Variants in KCNIP4 observed in about 807,000 individuals in gnomAD.
KCNIP4 encodes potassium voltage-gated channel interacting protein 4.
Under a neutral mutation model 34.0 loss-of-function variants are expected in KCNIP4, and 12 were observed. The ratio of observed to expected loss-of-function variants is 0.35; its 90% CI spans 0.23 to 0.57. The LOEUF is 0.57. Among genes scored for constraint, KCNIP4 ranks in the 20% least tolerant of loss-of-function variants. The pLI, the probability that KCNIP4 is intolerant of heterozygous loss-of-function variation, is 0.83. For missense variants in KCNIP4, 238 were observed against 311.7 expected (o/e 0.76, Z 1.78); for synonymous variants, 124 against 102.2 (o/e 1.21, Z -1.29).
chr4:21,641,647 C>G (rs1746625250), intron 1 of KCNIP4, among the ~76,000 whole-genome samples: 1 of 152,028 alleles, frequency 6.6e-6, no homozygotes, highest in African/African-American at 2.4e-5. Context: ...TGAATGCTAA[C>G]CAAAGAGAGA....
At chr4:21,061,935 C>T (rs1230724821) in intron 1 of KCNIP4, among the ~76,000 whole-genome samples, 1 of 152,128 alleles carries the variant, frequency 6.6e-6, no homozygotes, top group African/African-American at 2.4e-5. Context: ...ACACAGCAGG[C>T]AGATGGCCAT....
At chr4:21,716,537 G>C (rs1051236407) in intron 1 of KCNIP4, among the ~76,000 whole-genome samples, 2 of 151,986 alleles carry the variant, frequency 1.3e-5, no homozygotes, top group Non-Finnish European at 2.9e-5. Context: ...CCACCGTGCT[G>C]GGCCGGTAGT....
At chr4:21,887,745 AG>A (rs35799706) in intron 1 of KCNIP4, among the ~76,000 whole-genome samples, 22,364 of 152,152 alleles carry the variant, frequency 0.15, 2,017 homozygotes, top group Non-Finnish European at 0.2. Context: ...ATTATAGATG[AG>A]GTTATATAAC....
intron 1 of KCNIP4, among the ~76,000 whole-genome samples, chr4:21,791,244 A>G (rs1427302101): frequency 6.6e-6 from 1 of 152,056 alleles, no homozygotes; most frequent in Non-Finnish European, 1.5e-5. Context: ...GGGGCAAGCG[A>G]GCTCTGAGTT....
intron 1 of KCNIP4, among the ~76,000 whole-genome samples, chr4:21,671,226 G>C (rs1176305125): frequency 6.6e-6 from 1 of 152,108 alleles, no homozygotes; most frequent in African/African-American, 2.4e-5. Context: ...AGCTTATTGA[G>C]TTTCCAAAAT....
At chr4:21,673,253 C>T (rs1056943515) in intron 1 of KCNIP4, among the ~76,000 whole-genome samples, 4 of 152,184 alleles carry the variant, frequency 2.6e-5, no homozygotes, top group Non-Finnish European at 5.9e-5. Flanking sequence ...GTCGAAATTA[C>T]CCGCCTACGG....
chr4:21,320,114 T>C (rs920234929), intron 1 of KCNIP4, among the ~76,000 whole-genome samples: 8 of 152,228 alleles, frequency 5.3e-5, no homozygotes, highest in African/African-American at 1.9e-4. Context: ...CTTATTGAAA[T>C]TGTAAATTTG....
At chr4:21,416,421 G>A (rs563355019) in intron 1 of KCNIP4, among the ~76,000 whole-genome samples, 1 of 152,264 alleles carries the variant, frequency 6.6e-6, no homozygotes, top group Non-Finnish European at 1.5e-5. Context: ...CCTGCTGCCT[G>A]TGATTGATAG....
intron 1 of KCNIP4, among the ~76,000 whole-genome samples, chr4:21,433,688 A>G (rs1247391289): frequency 1.3e-5 from 2 of 152,044 alleles, no homozygotes; most frequent in African/African-American, 4.8e-5. Flanking sequence ...TCTCTTCTCA[A>G]TCATGCCCCA....
intron 1 of KCNIP4, among the ~76,000 whole-genome samples, chr4:21,559,765 T>C (rs1168311040): frequency 6.6e-6 from 1 of 152,134 alleles, no homozygotes; most frequent in African/African-American, 2.4e-5. Flanking sequence ...AATGTATTAT[T>C]AGTCGATGGT....
intron 1 of KCNIP4, among the ~76,000 whole-genome samples, chr4:21,126,089 T>C (rs1332698939): frequency 2.2e-4 from 34 of 152,154 alleles, no homozygotes; most frequent in Non-Finnish European, 7.4e-5. Context: ...TTAGGCAGAC[T>C]GAGCCTGTAA....
intron 1 of KCNIP4, among the ~76,000 whole-genome samples, chr4:21,148,978 G>C (rs1752580691): frequency 1.3e-5 from 2 of 152,132 alleles, no homozygotes; most frequent in African/African-American, 4.8e-5. Context: ...TGCTAGCTTA[G>C]AAATATCTTT....
At chr4:20,824,057 C>T (rs1308277438) in intron 3 of KCNIP4, among the ~76,000 whole-genome samples, 2 of 152,138 alleles carry the variant, frequency 1.3e-5, no homozygotes, top group Non-Finnish European at 2.9e-5. Context: ...CTATAAAATT[C>T]ATAATAATGG....
chr4:21,642,834 A>G (rs776352055), intron 1 of KCNIP4, among the ~76,000 whole-genome samples: 1 of 152,140 alleles, frequency 6.6e-6, no homozygotes, highest in African/African-American at 2.4e-5. Context: ...GTACTCTACA[A>G]TGGAAATAAG....
At chr4:21,521,644 C>T (rs73252234) in intron 1 of KCNIP4, among the ~76,000 whole-genome samples, 1 of 152,248 alleles carries the variant, frequency 6.6e-6, no homozygotes, top group Non-Finnish European at 1.5e-5. Context: ...TTGCAAGTCT[C>T]AGAGTGGCTG....
chr4:21,532,013 C>G (rs1313539114), intron 1 of KCNIP4, among the ~76,000 whole-genome samples: 1 of 152,034 alleles, frequency 6.6e-6, no homozygotes, highest in Non-Finnish European at 1.5e-5. Flanking sequence ...CTATTTTCAG[C>G]AACTGTCAGA....
chr4:21,728,723 A>G (rs535018667), intron 1 of KCNIP4, among the ~76,000 whole-genome samples: 44 of 152,090 alleles, frequency 2.9e-4, no homozygotes, highest in Admixed American at 2.6e-3. Flanking sequence ...CTCTTTTAAA[A>G]GACTCAACAT....
intron 1 of KCNIP4, among the ~76,000 whole-genome samples, chr4:20,905,522 T>TTTG (rs1727657548): frequency 9.0e-6 from 1 of 111,188 alleles, no homozygotes; most frequent in East Asian, 3.1e-4. Context: ...TTTTTTTTTT[T>TTTG]TTTGTTTGAG....
intron 1 of KCNIP4, among the ~76,000 whole-genome samples, chr4:21,881,812 TC>T (rs1176048617): frequency 3.9e-5 from 6 of 152,186 alleles, no homozygotes; most frequent in African/African-American, 1.2e-4. Context: ...CTTTGAGGCA[TC>T]TTAGCCTTGA....
Sources: allele counts gnomAD v4.1 joint callset (sites outside exome capture counted in the v4.1 genomes callset), GRCh38; gene constraint gnomAD v4.1.1; transcripts MANE v1.5; gene names NCBI Gene and HGNC (gene_info 2026-07-23, HGNC 2026-07-21).